Variants in ANKS1B observed in about 807,000 individuals in gnomAD.
The protein encoded by ANKS1B is ankyrin repeat and sterile alpha motif domain-containing protein 1B.
Under a neutral mutation model 148.3 loss-of-function variants are expected in ANKS1B, and 36 were observed. The ratio of observed to expected loss-of-function variants is 0.24; its 90% CI spans 0.19 to 0.32. The LOEUF is 0.32. Among genes scored for constraint, ANKS1B ranks in the 10% least tolerant of loss-of-function variants. The pLI is 1.00. For synonymous variants in ANKS1B, 542 were observed against 560.8 expected (o/e 0.97, Z 0.47); for missense variants, 1,157 against 1,542.6 (o/e 0.75, Z 4.19).
At position 99,984,386 on chromosome 12, in the gene ANKS1B, A is replaced by C; in HGVS notation, c.-149T>G. 1 of 326,492 alleles carries C rather than the reference A, an allele frequency of 3.1e-6. No homozygotes were observed. The highest frequency in any genetic ancestry group is 6.1e-6 in the Non-Finnish European group (1 of 165,050). 20.2% of individuals were successfully genotyped at this position (326,492 alleles called of 1,614,324 possible). A position where few individuals can be genotyped will look rare whatever the true frequency, so the allele number is the denominator to read the frequency against. ...CGGAGAGCTCCCTGCAGCCCCAGGCAGGGAGCACGACTCTCTCCTCCTCTT... is the reference window on the plus strand; with the variant it reads ...CGGAGAGCTCCCTGCAGCCCCAGGCCGGGAGCACGACTCTCTCCTCCTCTT... On this transcript the variant is annotated 5_prime_UTR_variant, in exon 1 of 27. Coordinates refer to ENST00000683438, the MANE Select transcript of ANKS1B (RefSeq NM_001352186.2).
chr12:98,742,589 T>C (rs957840633), downstream of ANKS1B, among the ~76,000 whole-genome samples: 3 of 152,078 alleles, frequency 2.0e-5, no homozygotes, highest in Non-Finnish European at 2.9e-5. Context: ...TTAAGTGGAG[T>C]TGGCATTTCC....
chr12:99,310,419 C>G (rs2082975983), intron 12 of ANKS1B, among the ~76,000 whole-genome samples: 1 of 152,152 alleles, frequency 6.6e-6, no homozygotes, highest in African/African-American at 2.4e-5. Context: ...CTTAAAGCAG[C>G]CTGTCCTCCC....
Position 99,102,897 on chromosome 12 carries a change from C to G in ANKS1B, c.2527-17874G>C, listed in dbSNP as rs566364182. 5.3e-5 allele frequency among the ~76,000 whole-genome samples: 8 copies of G among 152,058 alleles called. No homozygotes were observed. In the East Asian group the frequency reaches 7.7e-4, roughly 15 times the overall value. On this transcript the variant is annotated intron_variant, in intron 15 of 26. Coordinates refer to ENST00000683438, the MANE Select transcript of ANKS1B (RefSeq NM_001352186.2). The stretch of plus-strand genomic sequence containing the variant: ...TGAGCTATGATCACATCACTGCACC[C>G]CAACCTAGGCGACCGATAGATATGT...
intron 3 of ANKS1B, among the ~76,000 whole-genome samples, chr12:99,809,421 G>A (rs756590009): frequency 5.9e-5 from 9 of 151,530 alleles, no homozygotes; most frequent in Non-Finnish European, 1.2e-4. Context: ...GGGAAGAAAG[G>A]ATTAATGAAA....
At chr12:98,810,501 G>C (rs995155411) in intron 19 of ANKS1B, among the ~76,000 whole-genome samples, 7 of 152,190 alleles carry the variant, frequency 4.6e-5, no homozygotes, top group Admixed American at 4.6e-4. Flanking sequence ...TGGGGTCTTG[G>C]TTGGAGGTGC....
chr12:99,152,662 C>T (rs1020321863), intron 15 of ANKS1B, among the ~76,000 whole-genome samples: 5 of 152,068 alleles, frequency 3.3e-5, no homozygotes, highest in Non-Finnish European at 5.9e-5. Context: ...TCAGCTTGGC[C>T]AAATGATCCA....
At chr12:99,556,665 A>T (rs887593247) in intron 9 of ANKS1B, among the ~76,000 whole-genome samples, 16 of 152,148 alleles carry the variant, frequency 1.1e-4, no homozygotes, top group Admixed American at 9.2e-4. Flanking sequence ...TTAGTATCAA[A>T]TAATTTCCTG....
intron 16 of ANKS1B, among the ~76,000 whole-genome samples, chr12:99,058,992 C>T (rs893637482): frequency 1.2e-5 from 1 of 82,370 alleles, no homozygotes; most frequent in African/African-American, 4.5e-5. Context: ...CCGCCTCGGC[C>T]TCCCAAAGTG....
chr12:99,520,721 C>T (rs10860454), intron 9 of ANKS1B, among the ~76,000 whole-genome samples: 17,866 of 152,118 alleles, frequency 0.12, 2,427 homozygotes, highest in African/African-American at 0.33. Flanking sequence ...GGCTATTTTC[C>T]AGAGCCTGTA....
At chr12:98,916,497 G>A in intron 17 of ANKS1B, among the ~76,000 whole-genome samples, 1 of 152,206 alleles carries the variant, frequency 6.6e-6, no homozygotes, top group East Asian at 1.9e-4. Flanking sequence ...GAAATGCACT[G>A]GACGAGATCA....
chr12:99,017,876 G>A (rs1309616249), intron 17 of ANKS1B, among the ~76,000 whole-genome samples: 1 of 152,164 alleles, frequency 6.6e-6, no homozygotes, highest in Non-Finnish European at 1.5e-5. Context: ...GGCGGGATGG[G>A]AGGTTGAACT....
At chr12:99,695,327 T>G (rs964704762) in intron 8 of ANKS1B, among the ~76,000 whole-genome samples, 2 of 152,232 alleles carry the variant, frequency 1.3e-5, no homozygotes, top group Non-Finnish European at 2.9e-5. Flanking sequence ...TAATATTTAC[T>G]GATTAAATCA....
In ANKS1B at chr12:99,481,875, C is replaced by T. The variant is rs183110122; in HGVS notation, c.1438+22601G>A. 1.3e-3 allele frequency among the ~76,000 whole-genome samples: 194 copies of T among 151,348 alleles called. 1 individual carries two copies. Among genetic ancestry groups the T allele is most frequent in the African/African-American group, 4.4e-3 (184 of 41,412 alleles). ...GTCAAGTTTTTGAAGGAATTATTTG[C>T]GGGTTTTTTGTTTTTTGTTTTTTCT... On this transcript the variant is annotated intron_variant, in intron 10 of 26. Coordinates refer to ENST00000683438, the MANE Select transcript of ANKS1B (RefSeq NM_001352186.2).
In ANKS1B at chr12:98,776,891, T is replaced by TAA. The variant is rs201557336; in HGVS notation, c.3442-3714_3442-3713dup. On this transcript the variant is annotated intron_variant, in intron 24 of 26. Transcript: ENST00000683438. ...CCAAGCTTCTTAGGAGTATTTGCTA[T>TAA]AAAAAAAAACAATGGGAGGCCCACT... Among the ~76,000 whole-genome samples, 327 of 151,492 alleles carry TAA rather than the reference T, an allele frequency of 2.2e-3. 2 individuals are homozygous for TAA. The highest frequency in any genetic ancestry group is 7.7e-3 in the African/African-American group (318 of 41,302).
intron 15 of ANKS1B, among the ~76,000 whole-genome samples, chr12:99,110,532 C>G (rs2060085916): frequency 6.6e-6 from 1 of 152,162 alleles, no homozygotes. Context: ...CATTCTAGGT[C>G]ATTTATTCAT....
intron 12 of ANKS1B, among the ~76,000 whole-genome samples, chr12:99,328,891 A>T (rs2086976429): frequency 6.6e-6 from 1 of 151,978 alleles, no homozygotes; most frequent in African/African-American, 2.4e-5. Context: ...GATCTGAAAG[A>T]TATATAAAAA....
chr12:99,050,240 A>G (rs2099965086), intron 17 of ANKS1B, among the ~76,000 whole-genome samples: 1 of 152,232 alleles, frequency 6.6e-6, no homozygotes, highest in Admixed American at 6.5e-5. Flanking sequence ...AGCCAAAGGC[A>G]TGCACACATT....
intron 1 of ANKS1B, among the ~76,000 whole-genome samples, chr12:99,841,097 C>T (rs1054282931): frequency 3.3e-5 from 5 of 152,110 alleles, no homozygotes; most frequent in Admixed American, 6.6e-5. Flanking sequence ...CTAACTACTC[C>T]GTGCCTCAGT....
chr12:99,176,164 T>C (rs1464864601), intron 14 of ANKS1B, among the ~76,000 whole-genome samples: 1 of 152,108 alleles, frequency 6.6e-6, no homozygotes, highest in Non-Finnish European at 1.5e-5. Flanking sequence ...TTTATTTTTT[T>C]AGGTGGGAAG....
Sources: allele counts gnomAD v4.1 joint callset (sites outside exome capture counted in the v4.1 genomes callset), GRCh38; gene constraint gnomAD v4.1.1; transcripts MANE v1.5; gene names NCBI Gene and HGNC (gene_info 2026-07-23, HGNC 2026-07-21).